FILIP1: variants seen among roughly 807,000 people sequenced by gnomAD.
FILIP1 encodes filamin A interacting protein 1, also known as filamin-A-interacting protein 1.
In FILIP1, 61 loss-of-function variants were observed where a neutral mutation model predicts 102.1. That is an observed-to-expected ratio of 0.60 (90% CI 0.49 to 0.74). The LOEUF is 0.74. Among genes scored for constraint, FILIP1 ranks in the 30% least tolerant of loss-of-function variants. FILIP1 has a pLI of 0.00. For missense variants in FILIP1, 1,314 were observed against 1,441.2 expected, an observed-to-expected ratio of 0.91 and a Z score of 1.43; for synonymous variants, 491 against 526.9, an observed-to-expected ratio of 0.93 and a Z score of 0.93.
intron 1 of FILIP1, among the ~76,000 whole-genome samples, chr6:75,476,250 A>G (rs923756544): frequency 5.9e-5 from 9 of 152,156 alleles, no homozygotes; most frequent in South Asian, 2.1e-4. Flanking sequence ...CAAAAAAAAA[A>G]AAAAAAAAGT....
chr6:75,457,649 G>A (rs990466288), intron 1 of FILIP1, among the ~76,000 whole-genome samples: 9 of 106,134 alleles, frequency 8.5e-5, no homozygotes, highest in Admixed American at 3.6e-4. Flanking sequence ...TCTCTCTCTC[G>A]TTTCTGTTTT....
intron 1 of FILIP1, among the ~76,000 whole-genome samples, chr6:75,418,592 C>T (rs1248695123): frequency 6.6e-6 from 1 of 152,094 alleles, no homozygotes; most frequent in Admixed American, 6.5e-5. Context: ...GAAAAGGCAT[C>T]CAGAACTCCT....
rs1562514743 is a variant in FILIP1 at position 75,372,681 on chromosome 6, GAAAGA to G, written c.277-9769_277-9765del. On this transcript the variant is annotated intron_variant, in intron 2 of 5. Transcript: ENST00000237172. ...AGAAAGAAAGAAAGAAAGAAAGAAA[GAAAGA>G]GAAAGAAAGAGAAAGAAAGAAAGAA... Among the ~76,000 whole-genome samples, 52 of 45,572 alleles carry G rather than the reference GAAAGA, an allele frequency of 1.1e-3. 1 individual carries two copies. Among genetic ancestry groups the G allele is most frequent in the African/African-American group, 7.3e-3 (51 of 6,986 alleles). The allele number at this position is 45,572 out of a possible 152,430, so 29.9% of individuals were successfully genotyped here. A position where few individuals can be genotyped will look rare whatever the true frequency, so the allele number is the denominator to read the frequency against.
intron 1 of FILIP1, among the ~76,000 whole-genome samples, chr6:75,468,080 C>T (rs2951914): frequency 0.024 from 3,621 of 152,256 alleles, 148 homozygotes; most frequent in African/African-American, 0.081. Flanking sequence ...AGGAATAAGA[C>T]AGCCCCTCCC....
chr6:75,486,812 T>C (rs1213664415), intron 1 of FILIP1, among the ~76,000 whole-genome samples: 1 of 152,158 alleles, frequency 6.6e-6, no homozygotes, highest in Non-Finnish European at 1.5e-5. Context: ...CTCAAGTATA[T>C]GCTAGTTATT....
intron 2 of FILIP1, among the ~76,000 whole-genome samples, chr6:75,366,651 G>T (rs924691475): frequency 6.6e-6 from 1 of 152,164 alleles, no homozygotes; most frequent in African/African-American, 2.4e-5. Context: ...TAAAGTAGGT[G>T]CTGAGACAAT....
chr6:75,411,186 T>A (rs1243184746), intron 2 of FILIP1, among the ~76,000 whole-genome samples: 1 of 152,258 alleles, frequency 6.6e-6, no homozygotes, highest in Non-Finnish European at 1.5e-5. Flanking sequence ...GATGAGCTAT[T>A]TATCATATGT....
chr6:75,421,048 A>C (rs1247447564), intron 1 of FILIP1, among the ~76,000 whole-genome samples: 1 of 152,242 alleles, frequency 6.6e-6, no homozygotes, highest in Non-Finnish European at 1.5e-5. Context: ...AAAAGCAATT[A>C]GCAATATTTG....
chr6:75,384,340 T>A (rs983741972), intron 2 of FILIP1, among the ~76,000 whole-genome samples: 1 of 152,226 alleles, frequency 6.6e-6, no homozygotes, highest in African/African-American at 2.4e-5. Context: ...TGCTCCTTGC[T>A]TTATATGGAA....
At chr6:75,344,569 G>A (rs372329240) in intron 4 of FILIP1, among the ~76,000 whole-genome samples, 37 of 152,308 alleles carry the variant, frequency 2.4e-4, no homozygotes, top group African/African-American at 8.2e-4. Context: ...CAGTCTAGCA[G>A]TTTCAACCAC....
intron 4 of FILIP1, among the ~76,000 whole-genome samples, chr6:75,348,501 A>T (rs533032797): frequency 1.3e-5 from 2 of 152,376 alleles, no homozygotes; most frequent in South Asian, 4.1e-4. Context: ...ACAAATTATG[A>T]TCACAGTTTG....
chr6:75,359,311 G>T (rs1775103916), intron 3 of FILIP1, among the ~76,000 whole-genome samples: 1 of 152,134 alleles, frequency 6.6e-6, no homozygotes, highest in African/African-American at 2.4e-5. Flanking sequence ...CAGTGATATT[G>T]CCAATATCAC....
intron 2 of FILIP1, among the ~76,000 whole-genome samples, chr6:75,378,239 G>A (rs1354829345): frequency 6.6e-6 from 1 of 152,108 alleles, no homozygotes; most frequent in Non-Finnish European, 1.5e-5. Flanking sequence ...CTTAAAGTAT[G>A]TCCTACACTT....
intron 4 of FILIP1, among the ~76,000 whole-genome samples, chr6:75,341,811 G>A (rs1254655484): frequency 6.6e-6 from 1 of 152,106 alleles, no homozygotes; most frequent in Admixed American, 6.5e-5. Flanking sequence ...AACAATAGAA[G>A]AGTTTACTTT....
intron 3 of FILIP1, among the ~76,000 whole-genome samples, chr6:75,355,311 A>C (rs772177074): frequency 5.3e-5 from 8 of 151,892 alleles, no homozygotes; most frequent in Admixed American, 2.0e-4. Context: ...CAAAACCAAA[A>C]CAAAACAAAA....
At chr6:75,353,371 T>C (rs1438892916) in intron 4 of FILIP1, among the ~76,000 whole-genome samples, 168 bp downstream of exon 4, 1 of 152,126 alleles carries the variant, frequency 6.6e-6, no homozygotes, top group African/African-American at 2.4e-5. Context: ...TAATCTCAGG[T>C]AAAATTCTGT....
chr6:75,317,134 ACT>A (rs1482914456), intron 4 of FILIP1, among the ~76,000 whole-genome samples: 1 of 152,128 alleles, frequency 6.6e-6, no homozygotes. Flanking sequence ...CTGAATTCTG[ACT>A]CTGTCACTTT....
intron 1 of FILIP1, among the ~76,000 whole-genome samples, chr6:75,433,018 T>C (rs1175668342): frequency 1.3e-5 from 2 of 152,242 alleles, no homozygotes; most frequent in Non-Finnish European, 2.9e-5. Flanking sequence ...CATCCTTTTT[T>C]ATGGCTGCAT....
chr6:75,338,112 A>G (rs749235922), intron 4 of FILIP1, among the ~76,000 whole-genome samples: 3 of 152,082 alleles, frequency 2.0e-5, no homozygotes, highest in Non-Finnish European at 2.9e-5. Context: ...AATAAAAGGA[A>G]CTCTCAGTGA....
Sources: gnomAD v4.1 joint callset for allele counts (sites outside exome capture counted in the v4.1 genomes callset) on GRCh38, gnomAD v4.1.1 for gene constraint, MANE v1.5 for transcripts, NCBI Gene and HGNC (gene_info 2026-07-23, HGNC 2026-07-21) for gene names.